Variants in ARHGAP39 observed in about 807,000 individuals in gnomAD.
ARHGAP39 encodes Rho GTPase activating protein 39, also known as rho GTPase-activating protein 39.
In ARHGAP39, 44 loss-of-function variants were observed where a neutral mutation model predicts 106.9. That is an observed-to-expected ratio of 0.41 (90% CI 0.32 to 0.53). ARHGAP39 has a LOEUF of 0.53. Ranked by LOEUF, ARHGAP39 falls within the 20% of genes least tolerant of loss-of-function variation. ARHGAP39 has a pLI of 0.21. For missense variants in ARHGAP39, 1,496 were observed against 1,577.3 expected (o/e 0.95, Z 0.87); for synonymous variants, 768 against 693.2 (o/e 1.11, Z -1.69).
At chr8:144,580,653 TCTCACGTGGCCCCGCCCATTCCA>T (rs1818937446) in intron 3 of ARHGAP39, among the ~76,000 whole-genome samples, 170 bp downstream of exon 3, 2 of 117,372 alleles carry the variant, frequency 1.7e-5, no homozygotes, top group Non-Finnish European at 3.5e-5. Flanking sequence ...CCAGTCCCGC[TCTCACGTGGCCCCGCCCATTCCA>T]CTCACCTGGC....
rs183149059 is a variant in ARHGAP39 at position 144,579,158 on chromosome 8, T to G, written c.512+1688A>C. Among the ~76,000 whole-genome samples, 179 of 127,916 alleles carry G rather than the reference T, an allele frequency of 1.4e-3. 2 individuals carry two copies. In the Admixed American group the frequency reaches 0.015, roughly 11 times the overall value. 83.9% of individuals were successfully genotyped at this position (127,916 alleles called of 152,430 possible). On this transcript the variant is annotated intron_variant, in intron 3 of 11. Transcript: ENST00000377307. ...CGGAACTTGCAGTGAGCAGCAATCGTGCCACTGCACTCCAGCCTGGGCGAC... is the reference window on the plus strand; with the variant it reads ...CGGAACTTGCAGTGAGCAGCAATCGGGCCACTGCACTCCAGCCTGGGCGAC...
At chr8:144,555,727 C>T in intron 3 of ARHGAP39, 84 bp from the exon 4 acceptor site, 3 of 1,181,822 alleles carry the variant, frequency 2.5e-6, no homozygotes, top group East Asian at 4.7e-5. Flanking sequence ...AAGAATGTGG[C>T]ACTGCCACCT....
At position 144,530,286 on chromosome 8, in the gene ARHGAP39, G is replaced by A; in HGVS notation, c.*136C>T. ...CAGGCAGAAGACGTGGGGAGCGCCG[G>A]GGCCAGGGGCCTGGGGGAGTGGAGG... On this transcript the variant is annotated 3_prime_UTR_variant, in exon 12 of 12. Transcript: ENST00000377307. 1.0e-6 allele frequency: 1 copy of A among 967,680 alleles called. No homozygotes were observed. The highest frequency in any genetic ancestry group is 1.5e-6 in the Non-Finnish European group (1 of 667,960). The allele number at this position is 967,680 out of a possible 1,614,324, so 59.9% of individuals were successfully genotyped here.
chr8:144,537,169 G>A (rs1342607355), intron 7 of ARHGAP39, among the ~76,000 whole-genome samples: 1 of 151,942 alleles, frequency 6.6e-6, no homozygotes, highest in African/African-American at 2.4e-5. Context: ...TGGAAGCTGT[G>A]TGAGAGTGTG....
intron 1 of ARHGAP39, among the ~76,000 whole-genome samples, chr8:144,666,569 T>C (rs1366750151): frequency 6.6e-6 from 1 of 152,168 alleles, no homozygotes. Context: ...AGTGAATAAG[T>C]CTCACGAGAT....
intron 1 of ARHGAP39, among the ~76,000 whole-genome samples, chr8:144,632,267 G>A (rs1259721770): frequency 6.6e-6 from 1 of 152,158 alleles, no homozygotes; most frequent in African/African-American, 2.4e-5. Flanking sequence ...CACCCTCCAG[G>A]AAAGCCGTGG....
upstream of ARHGAP39, among the ~76,000 whole-genome samples, chr8:144,685,939 T>C (rs1465231424): frequency 6.6e-6 from 1 of 150,538 alleles, no homozygotes; most frequent in African/African-American, 2.4e-5. Flanking sequence ...GGGCACTGCC[T>C]CGCGAGGCCG....
At chr8:144,635,312 T>C (rs1013872956) in intron 1 of ARHGAP39, among the ~76,000 whole-genome samples, 1 of 152,182 alleles carries the variant, frequency 6.6e-6, no homozygotes, top group African/African-American at 2.4e-5. Flanking sequence ...TAAGCAATCA[T>C]GCCTATGTAA....
chr8:144,563,388 C>T (rs1205702082), intron 3 of ARHGAP39, among the ~76,000 whole-genome samples: 1 of 152,166 alleles, frequency 6.6e-6, no homozygotes, highest in Non-Finnish European at 1.5e-5. Context: ...AATTCAACAG[C>T]TTCGCAGTGG....
Position 144,620,231 on chromosome 8 carries a change from G to C in ARHGAP39, c.-81-14536C>G, listed in dbSNP as rs1317478160. 4.6e-5 allele frequency among the ~76,000 whole-genome samples: 7 copies of C among 150,832 alleles called. 1 individual carries two copies. Among genetic ancestry groups the C allele is most frequent in the Admixed American group, 4.6e-4 (7 of 15,138 alleles). On this transcript the variant is annotated intron_variant, in intron 1 of 11. Transcript: ENST00000377307. ...AGCCTGTGTCCCTGAGAAAGTGTGTGTGCCCGTGTCTGTTAGCCTGTGTGT... is the reference window on the plus strand; with the variant it reads ...AGCCTGTGTCCCTGAGAAAGTGTGTCTGCCCGTGTCTGTTAGCCTGTGTGT...
intron 1 of ARHGAP39, among the ~76,000 whole-genome samples, chr8:144,665,154 G>A (rs1821930591): frequency 6.6e-6 from 1 of 152,208 alleles, no homozygotes; most frequent in South Asian, 2.1e-4. Context: ...GAGACTGGCA[G>A]CATTTTGCCC....
chr8:144,543,006 G>C (rs1249754403), intron 6 of ARHGAP39, among the ~76,000 whole-genome samples: 1 of 151,328 alleles, frequency 6.6e-6, no homozygotes, highest in Non-Finnish European at 1.5e-5. Context: ...CTGTTGCCCA[G>C]GCTGGAGTGC....
chr8:144,542,476 TAC>T (rs1179738490), intron 6 of ARHGAP39, among the ~76,000 whole-genome samples: 2 of 152,196 alleles, frequency 1.3e-5, no homozygotes, highest in Non-Finnish European at 2.9e-5. Flanking sequence ...GTCCCTAGGC[TAC>T]AGTTTCCTTT....
chr8:144,590,310 T>A (rs1293154915), intron 2 of ARHGAP39, among the ~76,000 whole-genome samples: 3 of 152,204 alleles, frequency 2.0e-5, no homozygotes, highest in African/African-American at 7.2e-5. Flanking sequence ...TGGACGCTTG[T>A]CCCCAAACCT....
chr8:144,552,147 TGGCCTCTGAAAATGCTGAAGTCA>T (rs1380958418), intron 4 of ARHGAP39, among the ~76,000 whole-genome samples: 1 of 152,228 alleles, frequency 6.6e-6, no homozygotes, highest in African/African-American at 2.4e-5. Context: ...AGAGCGGTCG[TGGCCTCTGAAAATGCTGAAGTCA>T]GGCAGGCAGG....
chr8:144,567,001 C>T (rs191648410), intron 3 of ARHGAP39, among the ~76,000 whole-genome samples: 230 of 152,128 alleles, frequency 1.5e-3, no homozygotes, highest in Non-Finnish European at 2.4e-3. Flanking sequence ...TAAATCTTAA[C>T]CTACACCCAG....
intron 2 of ARHGAP39, among the ~76,000 whole-genome samples, chr8:144,601,002 C>CTGTG (rs565808739): frequency 9.7e-6 from 1 of 103,390 alleles, no homozygotes; most frequent in African/African-American, 3.9e-5. Context: ...GCTCATGTAC[C>CTGTG]TGTGTGTGTG....
Position 144,538,249 on chromosome 8 carries a change from C to T in ARHGAP39, c.2522-436G>A, listed in dbSNP as rs1279675125. 3.9e-5 allele frequency among the ~76,000 whole-genome samples: 6 copies of T among 152,266 alleles called. No homozygotes were observed. The East Asian group carries it at 1.2e-3, about 29-fold the overall frequency. The stretch of plus-strand genomic sequence containing the variant: ...CTGGCCCCAAGCCAGGTGCTGCAGT[C>T]AGAGAGGAGGGGGCTCCCCTCAGGC... On this transcript the variant is annotated intron_variant, in intron 6 of 11. Coordinates refer to ENST00000377307, the MANE Select transcript of ARHGAP39 (RefSeq NM_025251.3).
chr8:144,534,046 C>T, intron 8 of ARHGAP39, 83 bp downstream of exon 8: 4 of 1,508,302 alleles, frequency 2.7e-6, no homozygotes, highest in Non-Finnish European at 3.6e-6. Flanking sequence ...CCATACCAAA[C>T]TGCAGGCGGG....
Sources: gnomAD v4.1 joint callset for allele counts (sites outside exome capture counted in the v4.1 genomes callset) on GRCh38, gnomAD v4.1.1 for gene constraint, MANE v1.5 for transcripts, NCBI Gene and HGNC (gene_info 2026-07-23, HGNC 2026-07-21) for gene names.